Variants in NLRP1 observed in about 807,000 individuals in gnomAD.
NLRP1 encodes NACHT, LRR and PYD domains-containing protein 1.
In NLRP1, 94 loss-of-function variants were observed where a neutral mutation model predicts 136.7. The observed-to-expected ratio is 0.69, with a 90% CI of 0.58 to 0.82. The LOEUF is 0.82. Among genes scored for constraint, NLRP1 ranks in the 40% least tolerant of loss-of-function variants. NLRP1 has a pLI of 0.00. For synonymous variants in NLRP1, 690 were observed against 725.1 expected, an observed-to-expected ratio of 0.95 and a Z score of 0.78; for missense variants, 1,575 against 1,802.7, an observed-to-expected ratio of 0.87 and a Z score of 2.29.
At chr17:5,502,185 G>A in intron 15 of NLRP1, 1 of 287,696 alleles carries the variant, frequency 3.5e-6, no homozygotes. Flanking sequence ...AGCAAACTCT[G>A]GTTCTCACAG....
rs181968400 is a variant in NLRP1 at position 5,504,389 on chromosome 17, G to A, written c.4070-2517C>T. The A allele has an allele frequency of 6.6e-6, 1 of 152,398 alleles. No homozygotes were observed. The highest frequency in any genetic ancestry group is 1.9e-4 in the East Asian group (1 of 5,176). The allele number at this position is 152,398 out of a possible 1,614,324, so 9.4% of individuals were successfully genotyped here. A position where few individuals can be genotyped will look rare whatever the true frequency, so the allele number is the denominator to read the frequency against. The stretch of plus-strand genomic sequence containing the variant: ...AATCCCAGCACTTTGGGAGGCTGAG[G>A]TAGGTGGATCACCTGAGGTCAGGAG... On this transcript the variant is annotated intron_variant, in intron 15 of 15. Coordinates refer to the NLRP1 transcript ENST00000262467. The surrounding 1 kb of genome is among the most constrained non-coding windows in gnomAD (Gnocchi z 4.4).
Position 5,533,995 on chromosome 17 carries a change from A to C in NLRP1, c.2961-7T>G. ...GGTCATCACACTTGGTTTCCTGGAC[A>C]AAGAATTGTTCATTCTGCCTAAGAT... On this transcript the variant is annotated splice_region_variant and splice_polypyrimidine_tract_variant and intron_variant, in intron 8 of 16. Coordinates refer to ENST00000572272, the MANE Select transcript of NLRP1 (RefSeq NM_033004.4). The C allele has an allele frequency of 6.3e-7, 1 of 1,592,832 alleles. No homozygotes were observed. The highest frequency in any genetic ancestry group is 8.6e-7 in the Non-Finnish European group (1 of 1,160,634).
downstream of NLRP1, among the ~76,000 whole-genome samples, chr17:5,509,201 CTCT>C (rs1258606360): frequency 1.3e-5 from 2 of 152,202 alleles, no homozygotes; most frequent in South Asian, 2.1e-4. Context: ...CTAGCCTTTC[CTCT>C]TCTTCTCCTA....
rs765559151 is a variant in NLRP1, at chr17:5,558,295, GGACT to G, written c.2357+40_2357+43del. ...TGGTGCTCAGGTCACTCGGGCTTAT[GGACT>G]GACAGAGGAGCTGCAGACATGGGTG... On this transcript the variant is annotated intron_variant, in intron 4 of 16. Transcript: ENST00000572272. The G allele has an allele frequency of 3.2e-6, 5 of 1,550,734 alleles. No individual in the cohort carries two copies. In the East Asian group the frequency reaches 6.8e-5, roughly 21 times the overall value.
Position 5,579,032 on chromosome 17 carries a change from G to A in NLRP1, c.652+2827C>T, listed in dbSNP as rs142123035. Among the ~76,000 whole-genome samples the A allele has an allele frequency of 9.3e-4, 142 of 152,206 alleles. 2 individuals carry two copies. In the East Asian group the frequency reaches 0.025, roughly 27 times the overall value. On this transcript the variant is annotated intron_variant, in intron 3 of 16. Coordinates refer to ENST00000572272, the MANE Select transcript of NLRP1 (RefSeq NM_033004.4). Reference sequence around the variant, plus strand: ...AGGGACAAACAACCAAACACCGCATGTTCTCACTCATAGGTGGGAAATGAA... The same window carrying A: ...AGGGACAAACAACCAAACACCGCATATTCTCACTCATAGGTGGGAAATGAA...
At chr17:5,544,250 G>A (rs772140904) in intron 5 of NLRP1, among the ~76,000 whole-genome samples, 1 of 152,162 alleles carries the variant, frequency 6.6e-6, no homozygotes, top group Non-Finnish European at 1.5e-5. Flanking sequence ...GTAGGTTGGG[G>A]TGGGGCATCT....
In NLRP1 at chr17:5,559,440, A is replaced by G; in HGVS notation, c.1256T>C (p.Leu419Ser). 3 of 1,614,168 alleles carry G rather than the reference A, an allele frequency of 1.9e-6. No homozygotes were observed. The highest frequency in any genetic ancestry group is 8.5e-7 in the Non-Finnish European group (1 of 1,180,012). ...ACAGAGCTCAGAACTCGGCTCCTGC[A>G]AGACCCATCCTGGCTCATCTACACC... is the stretch of plus-strand genomic sequence containing the variant. ...LDGVDEPGWVLQEPSSELCLH... is the reference protein window; with the variant it reads ...LDGVDEPGWVSQEPSSELCLH... Residue 419 changes from leucine to serine, a missense_variant, in exon 4 of 17, where the codon TTG (leucine) becomes TCG (serine). Transcript: ENST00000572272.
chr17:5,509,824 G>A (rs987786793), downstream of NLRP1, among the ~76,000 whole-genome samples: 43 of 151,976 alleles, frequency 2.8e-4, no homozygotes, highest in African/African-American at 1.0e-3. Context: ...ATTCTTGAAT[G>A]CATTCTTTGA....
At position 5,584,057 on chromosome 17, in the gene NLRP1, G is replaced by T; in HGVS notation, c.-100C>A. On this transcript the variant is annotated 5_prime_UTR_variant, in exon 1 of 17. Coordinates refer to ENST00000572272, the MANE Select transcript of NLRP1 (RefSeq NM_033004.4). ...GCTGTCCTTTGCCTTGGCTCTTACC[G>T]TCTCTTATTCAGCATTCGGAACCCA... The T allele has an allele frequency of 8.4e-7, 1 of 1,195,700 alleles. No individual in the cohort carries two copies. Among genetic ancestry groups the T allele is most frequent in the Non-Finnish European group, 1.2e-6 (1 of 865,118 alleles). The allele number at this position is 1,195,700 out of a possible 1,614,324, so 74.1% of individuals were successfully genotyped here. A position where few individuals can be genotyped will look rare whatever the true frequency, so the allele number is the denominator to read the frequency against.
chr17:5,504,275 A>G lies in NLRP1; in HGVS notation c.4070-2403T>C, dbSNP rs925620677. On this transcript the variant is annotated intron_variant, in intron 15 of 15. Transcript: ENST00000262467. The surrounding 1 kb of genome is among the most constrained non-coding windows in gnomAD (Gnocchi z 4.4). ...CACCAGTATTTTCTCCAATGTTCCA[A>G]TGAGGAAACTGAGGCTGAGAGGTGA... The G allele has an allele frequency of 3.3e-5, 5 of 152,470 alleles. No individual in the cohort carries two copies. Among genetic ancestry groups the G allele is most frequent in the Admixed American group, 2.0e-4 (3 of 15,292 alleles). The allele number at this position is 152,470 out of a possible 1,614,324, so 9.4% of individuals were successfully genotyped here.
At chr17:5,515,596 C>G (rs377257293) in intron 15 of NLRP1, 79 bp from the exon 16 acceptor site, 1 of 1,115,836 alleles carries the variant, frequency 9.0e-7, no homozygotes, top group Non-Finnish European at 1.4e-6. Context: ...CAAGCTCCCA[C>G]TCACTTCTGA....
intron 3 of NLRP1, among the ~76,000 whole-genome samples, chr17:5,581,261 G>T (rs935236284): frequency 6.6e-6 from 1 of 152,224 alleles, no homozygotes; most frequent in Admixed American, 6.5e-5. Context: ...GGCACTCCCT[G>T]TGTAAGAGTT....
intron 14 of NLRP1, 53 bp downstream of exon 14, chr17:5,520,828 T>C: frequency 1.4e-6 from 2 of 1,472,650 alleles, no homozygotes; most frequent in Non-Finnish European, 1.8e-6. Context: ...CAGGCATTCA[T>C]TCCCAGGTAG....
At chr17:5,554,166 C>T (rs1913745841) in intron 4 of NLRP1, among the ~76,000 whole-genome samples, 1 of 152,072 alleles carries the variant, frequency 6.6e-6, no homozygotes, top group South Asian at 2.1e-4. Flanking sequence ...GGGACCCTAT[C>T]CCCTTCCCAG....
intron 15 of NLRP1, among the ~76,000 whole-genome samples, chr17:5,506,694 C>G (rs1053543862): frequency 6.6e-6 from 1 of 150,990 alleles, no homozygotes; most frequent in Non-Finnish European, 1.5e-5. Context: ...GAGTTTGAGA[C>G]CAGCCTGGCC....
chr17:5,510,414 C>A (rs556006071), downstream of NLRP1, among the ~76,000 whole-genome samples: 2 of 151,300 alleles, frequency 1.3e-5, no homozygotes, highest in African/African-American at 2.4e-5. Context: ...GGCTGGAGGG[C>A]AATGGCGTGA....
At chr17:5,501,734 C>T in exon 16 of NLRP1, 2 of 1,144,102 alleles carry the variant, frequency 1.7e-6, no homozygotes, top group Non-Finnish European at 2.6e-6. Flanking sequence ...TTCTCAGACC[C>T]ACCTGCGGTC....
chr17:5,515,124 C>T, intron 16 of NLRP1, 51 bp from the exon 17 acceptor site: 1 of 1,514,904 alleles, frequency 6.6e-7, no homozygotes, highest in Non-Finnish European at 9.1e-7. Flanking sequence ...CTCCAATCCC[C>T]ACCTTCAGTG....
At chr17:5,535,493 C>T (rs1003272201) in intron 8 of NLRP1, among the ~76,000 whole-genome samples, 1 of 152,132 alleles carries the variant, frequency 6.6e-6, no homozygotes, top group African/African-American at 2.4e-5. Flanking sequence ...TTTCAGACCT[C>T]AGCCCAGATC....
Sources: allele counts gnomAD v4.1 joint callset (sites outside exome capture counted in the v4.1 genomes callset), GRCh38; gene constraint gnomAD v4.1.1; non-coding constraint Gnocchi (gnomAD v3.1); transcripts MANE v1.5; gene names NCBI Gene and HGNC (gene_info 2026-07-23, HGNC 2026-07-21).